The following CDH4 variants were observed in gnomAD, a reference collection of about 807,000 sequenced individuals.
CDH4 encodes cadherin 4.
In CDH4, 33 loss-of-function variants were observed where a neutral mutation model predicts 86.0. The ratio of observed to expected loss-of-function variants is 0.38; its 90% CI spans 0.29 to 0.51. The LOEUF (loss-of-function observed/expected upper bound fraction) is 0.51, where lower values mean the gene tolerates loss of function less well. Ranked by LOEUF, CDH4 falls within the 20% of genes least tolerant of loss-of-function variation. CDH4 has a pLI of 0.86. For missense variants in CDH4, 1,114 were observed against 1,307.4 expected (o/e 0.85, Z 2.28); for synonymous variants, 555 against 549.4 (o/e 1.01, Z -0.14).
At position 61,835,096 on chromosome 20, in the gene CDH4, TAGAG is replaced by T. The variant is rs1029931225; in HGVS notation, c.577-9568_577-9565del. ...TTTTTTGTCTTGTTTTGTTTTGTTT[TAGAG>T]AGATGTGGGCTCACTGTGCTGCCCA... is the stretch of plus-strand genomic sequence containing the variant. On this transcript the variant is annotated intron_variant, in intron 4 of 15. Coordinates refer to ENST00000614565, the MANE Select transcript of CDH4 (RefSeq NM_001794.5). Among the ~76,000 whole-genome samples the T allele has an allele frequency of 5.9e-5, 9 of 152,344 alleles. 1 individual carries two copies. The highest frequency in any genetic ancestry group is 1.9e-4 in the African/African-American group (8 of 41,580).
rs898489175 is a variant in CDH4 at position 61,293,156 on chromosome 20, C to T, written c.169+38219C>T. On this transcript the variant is annotated intron_variant, in intron 2 of 15. Transcript: ENST00000614565. ...TGGTTCCTTCAGAGAGACAGGGAGA[C>T]TTTTGCTCCTTCTAGCTGTCCCCAC... 3.3e-5 allele frequency among the ~76,000 whole-genome samples: 5 copies of T among 152,272 alleles called. No homozygotes were observed. In the East Asian group the frequency reaches 7.7e-4, roughly 24 times the overall value.
chr20:61,650,936 C>T (rs979470874), intron 2 of CDH4, among the ~76,000 whole-genome samples: 3 of 152,254 alleles, frequency 2.0e-5, no homozygotes, highest in African/African-American at 7.2e-5. Flanking sequence ...TTTATTTCCA[C>T]CCAGGGCTAA....
chr20:61,896,486 C>T lies in CDH4; in HGVS notation c.1188+1439C>T, dbSNP rs373916282. Among the ~76,000 whole-genome samples the T allele has an allele frequency of 9.9e-5, 15 of 152,278 alleles. No individual in the cohort carries two copies. In the South Asian group the frequency reaches 1.0e-3, roughly 11 times the overall value. Reference sequence around the variant, plus strand: ...AGATGGCAGATCACAGCGAAGGAAGCCAGCTCAGCCCCACTGCAGCAGGGC... The same window carrying T: ...AGATGGCAGATCACAGCGAAGGAAGTCAGCTCAGCCCCACTGCAGCAGGGC... On this transcript the variant is annotated intron_variant, in intron 8 of 15. Coordinates refer to ENST00000614565, the MANE Select transcript of CDH4 (RefSeq NM_001794.5).
At chr20:61,866,537 C>T (rs1983559491) in intron 6 of CDH4, among the ~76,000 whole-genome samples, 1 of 152,150 alleles carries the variant, frequency 6.6e-6, no homozygotes, top group Non-Finnish European at 1.5e-5. Context: ...TGGAAAATGT[C>T]TTCCTTTCAT....
chr20:61,351,898 G>A (rs140533131), intron 2 of CDH4, among the ~76,000 whole-genome samples: 1,705 of 152,196 alleles, frequency 0.011, 31 homozygotes, highest in African/African-American at 0.039. Context: ...TGTATTTTTA[G>A]TAGAGACGGG....
chr20:61,764,446 G>A (rs968621217), intron 3 of CDH4, among the ~76,000 whole-genome samples: 30 of 152,150 alleles, frequency 2.0e-4, no homozygotes, highest in African/African-American at 7.0e-4. Context: ...GAGGATGCCT[G>A]TATTTGAGAT....
chr20:61,380,230 A>G (rs1251623560), intron 2 of CDH4, among the ~76,000 whole-genome samples: 1 of 152,200 alleles, frequency 6.6e-6, no homozygotes, highest in South Asian at 2.1e-4. Context: ...CATTAAGGTT[A>G]TGCCACACTG....
intron 2 of CDH4, among the ~76,000 whole-genome samples, chr20:61,447,797 C>G (rs538137930): frequency 6.6e-6 from 1 of 152,190 alleles, no homozygotes; most frequent in South Asian, 2.1e-4. Context: ...TTTTTATTTG[C>G]TTTTTAAAAC....
intron 2 of CDH4, among the ~76,000 whole-genome samples, chr20:61,395,553 G>A (rs2085012115): frequency 1.3e-5 from 2 of 152,138 alleles, no homozygotes; most frequent in South Asian, 4.1e-4. Context: ...GGTAAGGCAG[G>A]AGGATCTCTT....
chr20:61,866,436 C>T (rs34255908), intron 6 of CDH4, among the ~76,000 whole-genome samples: 1 of 152,084 alleles, frequency 6.6e-6, no homozygotes, highest in Non-Finnish European at 1.5e-5. Flanking sequence ...TCCCCCTCCC[C>T]CCGGAGGCCA....
intron 2 of CDH4, among the ~76,000 whole-genome samples, chr20:61,325,604 C>G (rs2084532690): frequency 6.6e-6 from 1 of 151,850 alleles, no homozygotes; most frequent in Non-Finnish European, 1.5e-5. Flanking sequence ...CATTTGAGTT[C>G]TTGGAGAGAT....
chr20:61,652,955 T>TTTTTTTTTTTTTTTTTTTTTA (rs1600842152), intron 2 of CDH4, among the ~76,000 whole-genome samples: 1 of 122,854 alleles, frequency 8.1e-6, no homozygotes, highest in Non-Finnish European at 1.9e-5. Context: ...TTTTTTTTTT[T>TTTTTTTTTTTTTTTTTTTTTA]ATTGATCATT....
intron 2 of CDH4, among the ~76,000 whole-genome samples, chr20:61,624,901 G>T (rs2086815892): frequency 6.6e-6 from 1 of 152,210 alleles, no homozygotes. Context: ...AACACCATCT[G>T]CAGAACCTGC....
rs2055217157 is a variant in CDH4, at chr20:61,938,054, GCTC to G, written c.*1114_*1116del. On this transcript the variant is annotated 3_prime_UTR_variant, in exon 16 of 16. Coordinates refer to ENST00000614565, the MANE Select transcript of CDH4 (RefSeq NM_001794.5). Reference sequence around the variant, plus strand: ...CGAAGCCTCCCCGTCCCCAGCCTGTGCTCCTGATTCCCGCCAGACGCTTGTGAG... The same window carrying G: ...CGAAGCCTCCCCGTCCCCAGCCTGTGCTGATTCCCGCCAGACGCTTGTGAG... 2 of 152,618 alleles carry G rather than the reference GCTC, an allele frequency of 1.3e-5. No individual in the cohort carries two copies. The highest frequency in any genetic ancestry group is 1.3e-4 in the Admixed American group (2 of 15,296). The allele number at this position is 152,618 out of a possible 1,614,324, so 9.5% of individuals were successfully genotyped here. A position where few individuals can be genotyped will look rare whatever the true frequency, so the allele number is the denominator to read the frequency against.
chr20:61,298,841 G>A (rs1312101477), intron 2 of CDH4, among the ~76,000 whole-genome samples: 11 of 150,962 alleles, frequency 7.3e-5, no homozygotes, highest in Non-Finnish European at 1.0e-4. Flanking sequence ...AACCACAAAA[G>A]CAAGTGCACT....
intron 3 of CDH4, among the ~76,000 whole-genome samples, chr20:61,766,409 C>T (rs1229181182): frequency 1.3e-5 from 2 of 152,140 alleles, no homozygotes; most frequent in South Asian, 2.1e-4. Context: ...CTTGCCCTCT[C>T]CTTCTCTGCC....
intron 6 of CDH4, among the ~76,000 whole-genome samples, chr20:61,862,100 T>G (rs1983355977): frequency 6.6e-6 from 1 of 152,050 alleles, no homozygotes; most frequent in Admixed American, 6.5e-5. Context: ...CCAGCTCCTT[T>G]CCTCCTGCAG....
intron 2 of CDH4, among the ~76,000 whole-genome samples, chr20:61,442,991 C>T (rs181736758): frequency 6.6e-6 from 1 of 152,186 alleles, no homozygotes; most frequent in African/African-American, 2.4e-5. Flanking sequence ...TTCCTCCACC[C>T]CCAGGTATGT....
Position 61,644,511 on chromosome 20 carries a change from C to A in CDH4, c.170-99052C>A, listed in dbSNP as rs547909555. 1.8e-3 allele frequency among the ~76,000 whole-genome samples: 272 copies of A among 152,306 alleles called. 1 individual carries two copies. The highest frequency in any genetic ancestry group is 6.4e-3 in the African/African-American group (265 of 41,548). ...TACTTGCAATAAAGGAGCCACAGAG[C>A]CCCCGCTTTGAATGACGTGAGCGGG... On this transcript the variant is annotated intron_variant, in intron 2 of 15. Coordinates refer to ENST00000614565, the MANE Select transcript of CDH4 (RefSeq NM_001794.5).
Sources: gnomAD v4.1 joint callset for allele counts (sites outside exome capture counted in the v4.1 genomes callset) on GRCh38, gnomAD v4.1.1 for gene constraint, MANE v1.5 for transcripts, NCBI Gene and HGNC (gene_info 2026-07-23, HGNC 2026-07-21) for gene names.